The following RMDN2 variants were observed in gnomAD, a reference collection of about 807,000 sequenced individuals.
RMDN2 encodes the protein regulator of microtubule dynamics 2.
A neutral mutation model predicts 52.8 loss-of-function variants in RMDN2; 61 were observed. The observed-to-expected ratio is 1.16, with a 90% CI of 0.94 to 1.43. The LOEUF (loss-of-function observed/expected upper bound fraction) is 1.43, where lower values mean the gene tolerates loss of function less well. Among genes scored for constraint, RMDN2 ranks in the 40% most tolerant of loss-of-function variants. The probability of loss-of-function intolerance (pLI) is 0.00; values close to 1 mark genes in which losing one functional copy is unlikely to be tolerated. For synonymous variants in RMDN2, 180 were observed against 153.1 expected, an observed-to-expected ratio of 1.18 and a Z score of -1.30; for missense variants, 592 against 475.3, an observed-to-expected ratio of 1.25 and a Z score of -2.28.
intron 10 of RMDN2, among the ~76,000 whole-genome samples, chr2:38,006,175 T>C (rs1480812727): frequency 1.3e-5 from 2 of 152,220 alleles, no homozygotes; most frequent in Non-Finnish European, 2.9e-5. Context: ...AGGATTGACT[T>C]GGCAATGTGG....
At chr2:38,035,926 G>A (rs1680545523) in intron 10 of RMDN2, 1 of 151,926 alleles carries the variant, frequency 6.6e-6, no homozygotes, top group Non-Finnish European at 1.5e-5. Context: ...TTACTCTGCA[G>A]AGGTAATAGG....
intron 10 of RMDN2, among the ~76,000 whole-genome samples, chr2:38,053,395 C>T (rs1681713536): frequency 6.6e-6 from 1 of 152,188 alleles, no homozygotes; most frequent in African/African-American, 2.4e-5. Flanking sequence ...AACACACACA[C>T]ATTATCTACC....
At chr2:37,962,503 C>T (rs554583255) in intron 2 of RMDN2, among the ~76,000 whole-genome samples, 6 of 152,130 alleles carry the variant, frequency 3.9e-5, no homozygotes, top group African/African-American at 1.2e-4. Context: ...TGGGGAAAAC[C>T]GCCTGCTCAA....
chr2:38,062,767 CT>C (rs1682104415), intron 10 of RMDN2, among the ~76,000 whole-genome samples: 13 of 130,354 alleles, frequency 1.0e-4, no homozygotes, highest in African/African-American at 3.4e-4. Context: ...TCCCTCCCCC[CT>C]TCCCCCCCCC....
chr2:37,941,969 C>T (rs529701252), intron 2 of RMDN2, among the ~76,000 whole-genome samples: 60 of 151,390 alleles, frequency 4.0e-4, no homozygotes, highest in Admixed American at 8.5e-4. Context: ...ATTCCTGCAG[C>T]TAGCTCGGTA....
chr2:37,953,125 G>GT (rs1411917222), intron 2 of RMDN2: 2 of 151,802 alleles, frequency 1.3e-5, no homozygotes, highest in Admixed American at 6.6e-5. Context: ...TACTTTTGTG[G>GT]TTTTTTCTTG....
At position 37,929,713 on chromosome 2, in the gene RMDN2, G is replaced by A. The variant is rs1666564149; in HGVS notation, c.436G>A (p.Ala146Thr). The change falls in exon 2 of 11, where the codon GCA (alanine) becomes ACA (threonine). Residue 146 changes from alanine to threonine, a missense_variant. Coordinates refer to ENST00000354545, the MANE Select transcript of RMDN2 (RefSeq NM_001170791.3). ...AGCAACAAGTAATAGTTCAGAGGAAGCAGAAAGTGAAGGAGGGTAAGTTTC... is the reference window on the plus strand; with the variant it reads ...AGCAACAAGTAATAGTTCAGAGGAAACAGAAAGTGAAGGAGGGTAAGTTTC... ...SSATSNSSEE[A>T]ESEGGYITAN... The A allele has an allele frequency of 3.3e-6, 5 of 1,509,534 alleles. No individual in the cohort carries two copies. Among genetic ancestry groups the A allele is most frequent in the Non-Finnish European group, 4.4e-6 (5 of 1,133,010 alleles). 93.5% of individuals were successfully genotyped at this position (1,509,534 alleles called of 1,614,324 possible).
chr2:37,973,275 A>G (rs773541964), intron 2 of RMDN2, among the ~76,000 whole-genome samples: 7 of 152,248 alleles, frequency 4.6e-5, no homozygotes, highest in African/African-American at 1.7e-4. Context: ...AATGTAGGCA[A>G]TAGTATTAAT....
intron 10 of RMDN2, among the ~76,000 whole-genome samples, chr2:38,042,557 T>C (rs766273839): frequency 1.3e-5 from 2 of 152,108 alleles, no homozygotes; most frequent in African/African-American, 2.4e-5. Flanking sequence ...GCTTATATTG[T>C]TTTTCTTTCT....
At chr2:37,946,929 A>G (rs1668269905) in intron 2 of RMDN2, among the ~76,000 whole-genome samples, 1 of 152,210 alleles carries the variant, frequency 6.6e-6, no homozygotes, top group Admixed American at 6.5e-5. Flanking sequence ...TCATTGTTTC[A>G]AAACTACATC....
intron 4 of RMDN2, among the ~76,000 whole-genome samples, chr2:37,975,795 A>G (rs761837921): frequency 2.6e-5 from 4 of 152,234 alleles, no homozygotes; most frequent in East Asian, 1.9e-4. Context: ...TTAATATATT[A>G]TGGTACAAAA....
chr2:38,050,369 A>T (rs965320681), intron 10 of RMDN2, among the ~76,000 whole-genome samples: 1 of 151,428 alleles, frequency 6.6e-6, no homozygotes, highest in Non-Finnish European at 1.5e-5. Context: ...TAAAAAAAAA[A>T]CCTTCCCTGA....
chr2:37,980,844 C>T (rs2125098506), intron 4 of RMDN2, among the ~76,000 whole-genome samples: 1 of 151,792 alleles, frequency 6.6e-6, no homozygotes, highest in South Asian at 2.1e-4. Context: ...CTGCAGCATA[C>T]TGAACGGTGA....
At chr2:37,971,701 A>C (rs1219044157) in intron 2 of RMDN2, among the ~76,000 whole-genome samples, 1 of 152,086 alleles carries the variant, frequency 6.6e-6, no homozygotes, top group Non-Finnish European at 1.5e-5. Flanking sequence ...CTGTTCTATC[A>C]TTCACTCATC....
At chr2:37,977,978 G>A (rs954774504) in intron 4 of RMDN2, among the ~76,000 whole-genome samples, 14 of 152,122 alleles carry the variant, frequency 9.2e-5, no homozygotes, top group Non-Finnish European at 4.4e-5. Flanking sequence ...GCGGCTGGGA[G>A]GTGGAGACTG....
intron 2 of RMDN2, among the ~76,000 whole-genome samples, chr2:37,941,187 A>G (rs942454647): frequency 6.6e-5 from 10 of 152,154 alleles, no homozygotes; most frequent in Admixed American, 4.6e-4. Context: ...CTGGGAGTCC[A>G]CTGTAGACCC....
chr2:38,008,771 C>T, intron 10 of RMDN2, among the ~76,000 whole-genome samples: 1 of 152,204 alleles, frequency 6.6e-6, no homozygotes, highest in East Asian at 1.9e-4. Context: ...TTATTTCGCT[C>T]ATTAGCTGAT....
intron 10 of RMDN2, among the ~76,000 whole-genome samples, chr2:38,008,175 G>A (rs80253325): frequency 0.59 from 89,595 of 152,078 alleles, 27,927 homozygotes; most frequent in East Asian, 0.9. Context: ...AGAAGAATGT[G>A]TATTCTGTTG....
intron 10 of RMDN2, chr2:38,030,874 T>A (rs1362515912): frequency 6.6e-6 from 1 of 152,190 alleles, no homozygotes; most frequent in East Asian, 1.9e-4. Flanking sequence ...ATGTCTTAAA[T>A]TATTTAAAAT....
Sources: allele counts gnomAD v4.1 joint callset (sites outside exome capture counted in the v4.1 genomes callset), GRCh38; gene constraint gnomAD v4.1.1; transcripts MANE v1.5; gene names NCBI Gene and HGNC (gene_info 2026-07-23, HGNC 2026-07-21).